Variants in LIPI observed in about 807,000 individuals in gnomAD.
LIPI encodes the protein lipase I, also known as lipase member I.
LIPI carries 59 observed loss-of-function variants against 50.6 expected under a neutral mutation model. The observed-to-expected ratio is 1.16, with a 90% CI of 0.94 to 1.45. The LOEUF (loss-of-function observed/expected upper bound fraction) is 1.45. LIPI is among the 40% of genes most tolerant of loss of function. LIPI has a pLI of 0.00. For missense variants in LIPI, 586 were observed against 536.3 expected (o/e 1.09, Z -0.92); for synonymous variants, 203 against 178.2 (o/e 1.14, Z -1.11).
At chr21:14,132,192 C>T (rs2123002563) in intron 9 of LIPI, among the ~76,000 whole-genome samples, 1 of 152,264 alleles carries the variant, frequency 6.6e-6, no homozygotes, top group South Asian at 2.1e-4. Context: ...GAGAGTCAGA[C>T]ATGCAAATAC....
intron 9 of LIPI, among the ~76,000 whole-genome samples, chr21:14,124,259 G>A (rs1298458493): frequency 6.6e-6 from 1 of 152,148 alleles, no homozygotes; most frequent in Non-Finnish European, 1.5e-5. Context: ...AGAGATAAAC[G>A]ATTATGGTGC....
At chr21:14,199,965 T>C (rs548006154) in intron 1 of LIPI, among the ~76,000 whole-genome samples, 46 of 152,102 alleles carry the variant, frequency 3.0e-4, no homozygotes, top group Non-Finnish European at 5.9e-4. Context: ...AATCAATAAA[T>C]GTGATTCATC....
intron 1 of LIPI, among the ~76,000 whole-genome samples, chr21:14,194,418 G>A (rs1044145444): frequency 4.8e-5 from 7 of 145,226 alleles, no homozygotes; most frequent in African/African-American, 1.7e-4. Context: ...CCATCAACAG[G>A]TGAATGAACA....
chr21:14,190,999 ATATCTAT>A (rs2019650820), intron 1 of LIPI, among the ~76,000 whole-genome samples: 2 of 152,192 alleles, frequency 1.3e-5, no homozygotes, highest in African/African-American at 2.4e-5. Context: ...ATCAACAAAT[ATATCTAT>A]TATCTATTAA....
chr21:14,165,090 G>C, intron 6 of LIPI, 133 bp downstream of exon 6: 1 of 683,668 alleles, frequency 1.5e-6, no homozygotes, highest in East Asian at 2.8e-5. Flanking sequence ...CATCTCTACA[G>C]ATGATTTTTC....
rs560111502 is a variant in LIPI at position 14,138,397 on chromosome 21, G to A, written c.1295+6226C>T. 5.3e-5 allele frequency among the ~76,000 whole-genome samples: 8 copies of A among 152,088 alleles called. No homozygotes were observed. The South Asian group carries it at 1.7e-3, about 32-fold the overall frequency. On this transcript the variant is annotated intron_variant, in intron 9 of 9. Transcript: ENST00000681601. ...GAATAAGTGCTCTCATTTATCTAGAGAACAGCATAATATTTTTAAAAGAAT... is the reference window on the plus strand; with the variant it reads ...GAATAAGTGCTCTCATTTATCTAGAAAACAGCATAATATTTTTAAAAGAAT...
intron 7 of LIPI, among the ~76,000 whole-genome samples, chr21:14,159,297 G>A (rs146046548): frequency 1.0e-3 from 155 of 151,354 alleles, no homozygotes; most frequent in East Asian, 4.6e-3. Context: ...TTTAAAATAC[G>A]CACTAAGCCC....
chr21:14,174,124 T>C (rs79995355), intron 4 of LIPI, among the ~76,000 whole-genome samples: 6,610 of 152,210 alleles, frequency 0.043, 175 homozygotes, highest in African/African-American at 0.071. Context: ...AACCTGCCAC[T>C]GAAGGAGACT....
At chr21:14,151,625 C>T (rs574349885) in intron 8 of LIPI, among the ~76,000 whole-genome samples, 267 of 152,224 alleles carry the variant, frequency 1.8e-3, no homozygotes, top group African/African-American at 5.3e-3. Flanking sequence ...AAGTCTAGCA[C>T]AGCAGGTTGG....
intron 9 of LIPI, among the ~76,000 whole-genome samples, chr21:14,114,763 A>G (rs1003757488): frequency 6.6e-6 from 1 of 152,240 alleles, no homozygotes; most frequent in African/African-American, 2.4e-5. Context: ...CCACAGGTCC[A>G]AGAAAGCCAA....
chr21:14,110,023 C>G (rs955262115), intron 9 of LIPI, among the ~76,000 whole-genome samples: 1 of 151,880 alleles, frequency 6.6e-6, no homozygotes, highest in African/African-American at 2.4e-5. Flanking sequence ...TTTCTAATTT[C>G]AAAATGCATA....
rs188544234 is a variant in LIPI at position 14,115,402 on chromosome 21, G to C, written c.1296-6322C>G. On this transcript the variant is annotated intron_variant, in intron 9 of 9. Transcript: ENST00000681601. ...GCTCCCGGCCACTGACAGCTTAAAA[G>C]GTGGCTGCTTTCTTTGTCCGGGGCT... 7.1e-4 allele frequency among the ~76,000 whole-genome samples: 108 copies of C among 151,652 alleles called. 1 individual carries two copies. Among genetic ancestry groups the C allele is most frequent in the African/African-American group, 2.6e-3 (106 of 41,534 alleles).
At chr21:14,167,077 G>T (rs551817840) in intron 4 of LIPI, among the ~76,000 whole-genome samples, 1 of 152,334 alleles carries the variant, frequency 6.6e-6, no homozygotes, top group African/African-American at 2.4e-5. Context: ...ACATGGCTCG[G>T]AGGGTCCTAC....
intron 7 of LIPI, among the ~76,000 whole-genome samples, chr21:14,161,713 T>TATA: frequency 1.1e-5 from 1 of 93,014 alleles, no homozygotes; most frequent in Non-Finnish European, 1.9e-5. Context: ...CATTATTATA[T>TATA]ATTAATATAT....
At chr21:14,206,868 A>G in intron 1 of LIPI, 1 of 1,612,840 alleles carries the variant, frequency 6.2e-7, no homozygotes, top group Non-Finnish European at 8.5e-7. Context: ...TGAGAACTGA[A>G]AAGCATGAGC....
chr21:14,134,307 A>T (rs2017411123), intron 9 of LIPI, among the ~76,000 whole-genome samples: 1 of 152,302 alleles, frequency 6.6e-6, no homozygotes, highest in South Asian at 2.1e-4. Flanking sequence ...GACACAAACA[A>T]ATGGAAAATG....
intron 5 of LIPI, 112 bp downstream of exon 5, chr21:14,166,250 G>A: frequency 2.7e-6 from 2 of 746,870 alleles, no homozygotes; most frequent in Non-Finnish European, 4.9e-6. Context: ...TGAGTCATGG[G>A]CAATGATGAT....
At position 14,181,794 on chromosome 21, in the gene LIPI, C is replaced by T. The variant is rs578154767; in HGVS notation, c.607G>A (p.Ala203Thr). 6.2e-7 allele frequency: 1 copy of T among 1,612,136 alleles called. No individual in the cohort carries two copies. The highest frequency in any genetic ancestry group is 1.3e-5 in the African/African-American group (1 of 74,984). Reference sequence around the variant, plus strand: ...GAATGGATGACATCCACAAACTTTGCATCCGTGTAATCTAATCTGCTATAT... The same window carrying T: ...GAATGGATGACATCCACAAACTTTGTATCCGTGTAATCTAATCTGCTATAT... Reference protein sequence around the residue: ...PPYSRLDYTDAKFVDVIHSDS... With the variant: ...PPYSRLDYTDTKFVDVIHSDS... The change falls in exon 4 of 10, where the codon GCA becomes ACA. Residue 203 changes from alanine (A) to threonine (T), a missense_variant. Physicochemically the swap from Ala to Thr is moderately conservative, Grantham distance 58. Coordinates refer to ENST00000681601, the MANE Select transcript of LIPI (RefSeq NM_001302998.2).
chr21:14,186,014 T>G lies in LIPI; in HGVS notation c.488A>C (p.His163Pro), dbSNP rs2019442518. Residue 163 changes from histidine to proline, a missense_variant, in exon 3 of 10, where the codon CAT becomes CCT. Transcript: ENST00000681601. ...FHFIGVSLGA[H>P]ISGFVGKIFH... is the part of the protein sequence containing the mutation. Reference sequence around the variant, plus strand: ...TATCTTTCCAACAAATCCACTGATATGAGCCCCTAAGCTCACACCTATGAA... The same window carrying G: ...TATCTTTCCAACAAATCCACTGATAGGAGCCCCTAAGCTCACACCTATGAA... 1 of 1,607,722 alleles carries G rather than the reference T, an allele frequency of 6.2e-7. No individual in the cohort carries two copies. The highest frequency in any genetic ancestry group is 2.2e-5 in the East Asian group (1 of 44,820).
Sources: gnomAD v4.1 joint callset for allele counts (sites outside exome capture counted in the v4.1 genomes callset) on GRCh38, gnomAD v4.1.1 for gene constraint, MANE v1.5 for transcripts, NCBI Gene and HGNC (gene_info 2026-07-23, HGNC 2026-07-21) for gene names.